HMCN1: variants seen among roughly 807,000 people sequenced by gnomAD.
The protein encoded by HMCN1 is hemicentin 1.
HMCN1 carries 321 observed loss-of-function variants against 625.9 expected under a neutral mutation model. The observed-to-expected ratio is 0.51, with a 90% confidence interval of 0.47 to 0.56. The LOEUF (loss-of-function observed/expected upper bound fraction) is 0.56, where lower values mean the gene tolerates loss of function less well. Among genes scored for constraint, HMCN1 ranks in the 20% least tolerant of loss-of-function variants. The pLI is 0.00. For synonymous variants in HMCN1, 2,425 were observed against 2,417.6 expected (o/e 1.00, Z -0.09); for missense variants, 6,588 against 6,887.3 (o/e 0.96, Z 1.54).
intron 1 of HMCN1, among the ~76,000 whole-genome samples, chr1:185,817,357 G>A (rs931569500): frequency 6.6e-6 from 1 of 152,130 alleles, no homozygotes; most frequent in Non-Finnish European, 1.5e-5. Context: ...GGTGCCTCCA[G>A]GTTGATGGGA....
chr1:185,791,755 C>A (rs1036121331), intron 1 of HMCN1, among the ~76,000 whole-genome samples: 10 of 151,890 alleles, frequency 6.6e-5, no homozygotes, highest in African/African-American at 2.4e-4. Context: ...CAGAAGTACT[C>A]AGAAATATTA....
intron 36 of HMCN1, among the ~76,000 whole-genome samples, chr1:186,033,166 G>A (rs1402377993): frequency 6.6e-6 from 1 of 152,012 alleles, no homozygotes; most frequent in East Asian, 1.9e-4. Flanking sequence ...GGAGCTGGAG[G>A]CCAGTATTCT....
chr1:186,178,766 G>C lies in HMCN1; in HGVS notation c.16294G>C (p.Asp5432His). ...GSEASHDTCVDIDECENTDAC... is the reference protein window; with the variant it reads ...GSEASHDTCVHIDECENTDAC... The stretch of plus-strand genomic sequence containing the variant: ...TGAGGCAAGCCATGACACATGTGTA[G>C]GTAAATGTCAGCCATATTACATTTC... Residue 5432 changes from aspartate to histidine, a missense_variant and splice_region_variant, in exon 104 of 107, where the codon GAT becomes CAT. Asp to His is a moderately conservative substitution (Grantham distance 81). This residue lies in a region of HMCN1 where 1,954 missense variants were observed against 2,013.1 expected (regional missense o/e 0.97). Coordinates refer to ENST00000271588, the MANE Select transcript of HMCN1 (RefSeq NM_031935.3). 6.3e-7 allele frequency: 1 copy of C among 1,588,860 alleles called. No homozygotes were observed. Among genetic ancestry groups the C allele is most frequent in the South Asian group, 1.1e-5 (1 of 90,512 alleles).
At chr1:186,104,906 G>T (rs1209324657) in intron 69 of HMCN1, among the ~76,000 whole-genome samples, 6 of 152,080 alleles carry the variant, frequency 3.9e-5, no homozygotes, top group African/African-American at 1.4e-4. Flanking sequence ...GTAGGCAAAA[G>T]AATTTGTGAC....
intron 4 of HMCN1, among the ~76,000 whole-genome samples, chr1:185,887,978 T>C (rs1664780083): frequency 1.4e-5 from 2 of 141,426 alleles, no homozygotes; most frequent in South Asian, 4.6e-4. Context: ...TGTTGTTTCC[T>C]GACTTTTTAA....
At chr1:186,043,800 T>G (rs1656367298) in intron 40 of HMCN1, among the ~76,000 whole-genome samples, 1 of 152,192 alleles carries the variant, frequency 6.6e-6, no homozygotes, top group African/African-American at 2.4e-5. Context: ...CCAGGTGCAG[T>G]GGCTCATGCC....
chr1:185,822,068 AG>A (rs1198126100), intron 1 of HMCN1, among the ~76,000 whole-genome samples: 1 of 152,110 alleles, frequency 6.6e-6, no homozygotes, highest in African/African-American at 2.4e-5. Flanking sequence ...AGGAATGAAC[AG>A]GTGGAGCACA....
Position 186,139,325 on chromosome 1 carries a change from G to A in HMCN1, c.13924+1353G>A, listed in dbSNP as rs895209077. 7.2e-5 allele frequency among the ~76,000 whole-genome samples: 11 copies of A among 152,118 alleles called. No homozygotes were observed. In the South Asian group the frequency reaches 1.0e-3, roughly 14 times the overall value. ...TACAAAAACTAAGTACTGTCCTGACGTCTTAAAATAAACGAGAAGCCATTT... is the reference window on the plus strand; with the variant it reads ...TACAAAAACTAAGTACTGTCCTGACATCTTAAAATAAACGAGAAGCCATTT... On this transcript the variant is annotated intron_variant, in intron 89 of 106. Coordinates refer to ENST00000271588, the MANE Select transcript of HMCN1 (RefSeq NM_031935.3).
At chr1:185,914,873 T>C (rs1170700138) in intron 6 of HMCN1, among the ~76,000 whole-genome samples, 1 of 152,116 alleles carries the variant, frequency 6.6e-6, no homozygotes, top group Non-Finnish European at 1.5e-5. Flanking sequence ...CACTAGTATA[T>C]GCCACAGTGC....
chr1:185,738,115 A>G (rs148512981), intron 1 of HMCN1, among the ~76,000 whole-genome samples: 1,800 of 152,316 alleles, frequency 0.012, 96 homozygotes, highest in Admixed American at 0.086. Context: ...TTTCACAATC[A>G]CACTTAATGT....
chr1:186,092,730 TTATTAAGG>T (rs1285449189), intron 64 of HMCN1, among the ~76,000 whole-genome samples: 1 of 152,086 alleles, frequency 6.6e-6, no homozygotes, highest in African/African-American at 2.4e-5. Flanking sequence ...ATTGTGTTTT[TTATTAAGG>T]TATTAAGTTG....
intron 40 of HMCN1, among the ~76,000 whole-genome samples, chr1:186,041,350 C>A (rs1244949663): frequency 6.6e-6 from 1 of 152,060 alleles, no homozygotes; most frequent in African/African-American, 2.4e-5. Context: ...ATGCACACAT[C>A]CAGCATGTAG....
chr1:186,128,610 T>TC, intron 83 of HMCN1, among the ~76,000 whole-genome samples: 1 of 152,112 alleles, frequency 6.6e-6, no homozygotes, highest in South Asian at 2.1e-4. Context: ...TGGACCCCCT[T>TC]CATCACTGAT....
chr1:185,961,573 T>G (rs531134724), intron 11 of HMCN1, among the ~76,000 whole-genome samples: 8 of 152,372 alleles, frequency 5.3e-5, no homozygotes, highest in Non-Finnish European at 1.2e-4. Context: ...AAGTGGTAGA[T>G]ATTTACATTA....
In HMCN1 at chr1:186,053,965, GA is replaced by G. The variant is rs1387984952; in HGVS notation, c.6843del (p.Glu2281AspfsTer12). On this transcript the variant is annotated frameshift_variant, in exon 44 of 107. Transcript: ENST00000271588. LOFTEE classifies it high-confidence loss of function. The stretch of plus-strand genomic sequence containing the variant: ...GAATGTTGCTGGGACTGCAAAGAAA[GA>G]ATACAATCTGCAAGTTTACAGTAAG... ...ASNVAGTAKK[E>X]YNLQVYIRPT... The G allele has an allele frequency of 6.2e-7, 1 of 1,612,446 alleles. No homozygotes were observed. The highest frequency in any genetic ancestry group is 8.5e-7 in the Non-Finnish European group (1 of 1,179,114).
chr1:186,038,342 A>C (rs977087616), intron 37 of HMCN1, among the ~76,000 whole-genome samples: 3 of 152,176 alleles, frequency 2.0e-5, no homozygotes, highest in Non-Finnish European at 4.4e-5. Flanking sequence ...ACTTTTTTTT[A>C]ACTTAAAAGT....
intron 20 of HMCN1, among the ~76,000 whole-genome samples, chr1:185,989,137 A>G (rs964427955): frequency 6.6e-6 from 1 of 150,386 alleles, no homozygotes; most frequent in Non-Finnish European, 1.5e-5. Flanking sequence ...CCTCCCGAGT[A>G]GCTGGGACTA....
At chr1:185,879,043 T>C (rs1664129593) in intron 4 of HMCN1, among the ~76,000 whole-genome samples, 1 of 152,210 alleles carries the variant, frequency 6.6e-6, no homozygotes, top group South Asian at 2.1e-4. Context: ...GTGGCCTGAG[T>C]CATCCTCTCT....
chr1:186,123,780 G>A (rs1169020659), intron 81 of HMCN1, among the ~76,000 whole-genome samples: 2 of 152,024 alleles, frequency 1.3e-5, no homozygotes, highest in Admixed American at 1.3e-4. Context: ...TAGAATCCAC[G>A]TTAATATCAG....
Sources: allele counts gnomAD v4.1 joint callset (sites outside exome capture counted in the v4.1 genomes callset), GRCh38; gene constraint gnomAD v4.1.1; regional missense constraint gnomAD v4.1.1; transcripts MANE v1.5; gene names NCBI Gene and HGNC (gene_info 2026-07-23, HGNC 2026-07-21).